Variants in EPHB6 observed in about 807,000 individuals in gnomAD.
The protein encoded by EPHB6 is ephrin type-B receptor 6.
Under a neutral mutation model 107.0 loss-of-function variants are expected in EPHB6, and 51 were observed. The observed-to-expected ratio is 0.48, with a 90% CI of 0.38 to 0.60. EPHB6 has a LOEUF of 0.60. EPHB6 is among the 20% of genes least tolerant of loss of function. The pLI is 0.00. For missense variants in EPHB6, 1,141 were observed against 1,355.5 expected (o/e 0.84, Z 2.48); for synonymous variants, 553 against 549.0 (o/e 1.01, Z -0.10).
At chr7:142,865,802 C>T (rs1319136970) in intron 8 of EPHB6, among the ~76,000 whole-genome samples, 158 bp from the exon 9 acceptor site, 1 of 148,854 alleles carries the variant, frequency 6.7e-6, no homozygotes, top group Non-Finnish European at 1.5e-5. Flanking sequence ...ACCCATCCTT[C>T]CCTGGGCCCA....
At chr7:142,859,640 A>G (rs965169884) in intron 1 of EPHB6, among the ~76,000 whole-genome samples, 4 of 152,116 alleles carry the variant, frequency 2.6e-5, no homozygotes, top group African/African-American at 4.8e-5. Flanking sequence ...TTTTTTCTGA[A>G]AAAATGTATT....
intron 7 of EPHB6, 82 bp downstream of exon 7, chr7:142,864,831 T>C: frequency 1.3e-6 from 2 of 1,536,262 alleles, no homozygotes; most frequent in Non-Finnish European, 1.8e-6. Context: ...CACCCCAAAA[T>C]TCATTTTATC....
At position 142,869,316 on chromosome 7, in the gene EPHB6, G is replaced by C. The variant is rs571392878; in HGVS notation, c.2460+169G>C. Reference sequence around the variant, plus strand: ...ATGGGGAGATGAAAGCCTAGGCGACGGGGTTTGAGGGATTTCAGGGACCGA... The same window carrying C: ...ATGGGGAGATGAAAGCCTAGGCGACCGGGTTTGAGGGATTTCAGGGACCGA... On this transcript the variant is annotated intron_variant, in intron 16 of 19. Coordinates refer to ENST00000652003, the MANE Select transcript of EPHB6 (RefSeq NM_004445.6). The surrounding 1 kb of genome is among the most constrained non-coding windows in gnomAD (Gnocchi z 4.5). Among the ~76,000 whole-genome samples, 4 of 152,148 alleles carry C rather than the reference G, an allele frequency of 2.6e-5. No homozygotes were observed. The East Asian group carries it at 7.7e-4, about 29-fold the overall frequency.
Position 142,856,859 on chromosome 7 carries a change from C to A in EPHB6, c.-432+1474C>A, listed in dbSNP as rs147582519. Among the ~76,000 whole-genome samples, 790 of 151,256 alleles carry A rather than the reference C, an allele frequency of 5.2e-3. 2 individuals are homozygous for A. Among genetic ancestry groups the A allele is most frequent in the Middle Eastern group, 0.021 (6 of 290 alleles). On this transcript the variant is annotated intron_variant, in intron 1 of 19. Transcript: ENST00000652003. ...TTCTGCCACAGGAAAGCAACAGCCC[C>A]CATCTACACAGACAGCATCTGCTCC...
At position 142,867,873 on chromosome 7, in the gene EPHB6, G is replaced by A; in HGVS notation, c.1866-124G>A. The A allele has an allele frequency of 6.8e-7, 1 of 1,473,942 alleles. No individual in the cohort carries two copies. Among genetic ancestry groups the A allele is most frequent in the Non-Finnish European group, 9.3e-7 (1 of 1,079,070 alleles). The allele number at this position is 1,473,942 out of a possible 1,614,324, so 91.3% of individuals were successfully genotyped here. On this transcript the variant is annotated intron_variant, in intron 12 of 19. Transcript: ENST00000652003. The surrounding 1 kb of genome is among the most constrained non-coding windows in gnomAD (Gnocchi z 5.3). ...TGCCCTGGGCCCCACGTGGAGATGGGCAGGAGGGCCAGGCTGTCGTCCCCC... is the reference window on the plus strand; with the variant it reads ...TGCCCTGGGCCCCACGTGGAGATGGACAGGAGGGCCAGGCTGTCGTCCCCC...
rs745916601 is a variant in EPHB6 at position 142,869,680 on chromosome 7, C to G, written c.2461-137C>G. 9.0e-6 allele frequency: 9 copies of G among 999,450 alleles called. No individual in the cohort carries two copies. Among genetic ancestry groups the G allele is most frequent in the Non-Finnish European group, 1.4e-5 (9 of 655,806 alleles). The allele number at this position is 999,450 out of a possible 1,614,324, so 61.9% of individuals were successfully genotyped here. A position where few individuals can be genotyped will look rare whatever the true frequency, so the allele number is the denominator to read the frequency against. On this transcript the variant is annotated intron_variant, in intron 16 of 19. Coordinates refer to ENST00000652003, the MANE Select transcript of EPHB6 (RefSeq NM_004445.6). This position sits in a 1 kb window ranked among gnomAD's most constrained non-coding sequence, Gnocchi z 4.5. ...TCTGTGAAATGGAGATGATATCATC[C>G]ACCTTAGAGGGTTGTTATGAGGATT...
rs935940426 is a variant in EPHB6, at chr7:142,863,190, G to A, written c.-38G>A. On this transcript the variant is annotated 5_prime_UTR_variant, in exon 5 of 20. Transcript: ENST00000652003. ...CTGCAGCCCCACCCAGGAGCAGGGT[G>A]GTGGCTGGGGCGATGGTGGACGCCC... 5 of 1,582,248 alleles carry A rather than the reference G, an allele frequency of 3.2e-6. No individual in the cohort carries two copies. Among genetic ancestry groups the A allele is most frequent in the Non-Finnish European group, 1.7e-6 (2 of 1,151,708 alleles).
At chr7:142,862,625 CT>C (rs1802894738) in intron 3 of EPHB6, 130 bp from the exon 4 acceptor site, 1 of 153,018 alleles carries the variant, frequency 6.5e-6, no homozygotes, top group African/African-American at 2.4e-5. Context: ...CACTGCCCCT[CT>C]GAAATTTCTA....
rs200674222 is a variant in EPHB6 at position 142,866,312 on chromosome 7, T to G, written c.1458T>G (p.His486Gln). Reference protein sequence around the residue: ...QAAAINVSTSHEVPSAVPVVH... With the variant: ...QAAAINVSTSQEVPSAVPVVH... ...CAGCCATCAATGTCAGCACCAGCCA[T>G]GAAGGTGAGCTCTTTTCCTTGGCCT... The change falls in exon 9 of 20, where the codon CAT becomes CAG. Residue 486 changes from histidine (H) to glutamine (Q), a missense_variant. His to Gln is a conservative substitution (Grantham distance 24). Coordinates refer to ENST00000652003, the MANE Select transcript of EPHB6 (RefSeq NM_004445.6). This position sits in a 1 kb window ranked among gnomAD's most constrained non-coding sequence, Gnocchi z 5.2. 55 of 1,613,886 alleles carry G rather than the reference T, an allele frequency of 3.4e-5. No individual in the cohort carries two copies. The South Asian group carries it at 5.4e-4, about 16-fold the overall frequency.
chr7:142,856,289 G>A (rs1430188754), intron 1 of EPHB6, among the ~76,000 whole-genome samples: 1 of 152,240 alleles, frequency 6.6e-6, no homozygotes, highest in East Asian at 1.9e-4. Context: ...GGGCATTGGA[G>A]CATTGAGGCT....
chr7:142,862,993 C>T (rs1802915829), intron 4 of EPHB6, 134 bp from the exon 5 acceptor site: 2 of 569,006 alleles, frequency 3.5e-6, no homozygotes, highest in Non-Finnish European at 3.1e-6. Context: ...GGCTTCTGTC[C>T]CATGGTGGGT....
intron 7 of EPHB6, among the ~76,000 whole-genome samples, chr7:142,865,127 C>T (rs1803081409): frequency 6.6e-6 from 1 of 152,192 alleles, no homozygotes; most frequent in African/African-American, 2.4e-5. Context: ...GACAGGGACG[C>T]AGGTAGAGGA....
chr7:142,871,026 C>G lies in EPHB6; in HGVS notation c.*122C>G. The G allele has an allele frequency of 1.2e-5, 11 of 907,144 alleles. No homozygotes were observed. The South Asian group carries it at 1.5e-4, about 13-fold the overall frequency. The allele number at this position is 907,144 out of a possible 1,614,324, so 56.2% of individuals were successfully genotyped here. A position where few individuals can be genotyped will look rare whatever the true frequency, so the allele number is the denominator to read the frequency against. ...ACACCAAACCCAACCCTCCCGATGG[C>G]TGCATTCCCTGGTCCTCCGCCTCTC... On this transcript the variant is annotated 3_prime_UTR_variant, in exon 20 of 20. Transcript: ENST00000652003.
At position 142,866,933 on chromosome 7, in the gene EPHB6, C is replaced by G. The variant is rs1171780277; in HGVS notation, c.1615C>G (p.Leu539Val). Residue 539 changes from leucine (L) to valine (V), a missense_variant, in exon 11 of 20, where the codon CTG becomes GTG. Leu to Val is a conservative substitution (Grantham distance 32). This residue lies in a region of EPHB6 where 616 missense variants were observed against 759.3 expected (regional missense o/e 0.81). Transcript: ENST00000652003. This position sits in a 1 kb window ranked among gnomAD's most constrained non-coding sequence, Gnocchi z 5.2. ...QAEDESHSFTLTSETNTATVT... is the reference protein window; with the variant it reads ...QAEDESHSFTVTSETNTATVT... Reference sequence around the variant, plus strand: ...AGAAGACGAATCCCACTCCTTCACCCTGACCAGCGAGACCAACACTGCCAC... The same window carrying G: ...AGAAGACGAATCCCACTCCTTCACCGTGACCAGCGAGACCAACACTGCCAC... The G allele has an allele frequency of 1.2e-5, 20 of 1,613,772 alleles. No homozygotes were observed. Among genetic ancestry groups the G allele is most frequent in the Non-Finnish European group, 1.7e-5 (20 of 1,179,968 alleles).
chr7:142,864,089 C>T lies in EPHB6; in HGVS notation c.289C>T (p.Arg97Trp), dbSNP rs769535474. Residue 97 changes from arginine (R) to tryptophan (W), a missense_variant, in exon 7 of 20, where the codon CGG becomes TGG. Around this residue, in one of 3 missense-constraint regions of EPHB6, gnomAD observed 221 missense variants for 300.5 expected, o/e 0.74. Transcript: ENST00000652003. ...TTGGTTGCAGACACACTTTGTGGAGCGGCGCGGGGCCCAGAGGGCGCACAT... is the reference window on the plus strand; with the variant it reads ...TTGGTTGCAGACACACTTTGTGGAGTGGCGCGGGGCCCAGAGGGCGCACAT... ...DNWLQTHFVE[R>W]RGAQRAHIRL... 1.2e-6 allele frequency: 2 copies of T among 1,614,036 alleles called. No homozygotes were observed. Among genetic ancestry groups the T allele is most frequent in the South Asian group, 1.1e-5 (1 of 91,086 alleles).
intron 1 of EPHB6, among the ~76,000 whole-genome samples, chr7:142,857,577 C>T (rs958823791): frequency 6.6e-6 from 1 of 152,208 alleles, no homozygotes; most frequent in African/African-American, 2.4e-5. Flanking sequence ...GTGTAAGGAC[C>T]AGCCCAGCAA....
rs1037651782 is a variant in EPHB6 at position 142,863,796 on chromosome 7, G to A, written c.165+101G>A. The A allele has an allele frequency of 4.0e-6, 6 of 1,503,396 alleles. No homozygotes were observed. In the African/African-American group the frequency reaches 6.9e-5, roughly 17 times the overall value. The allele number at this position is 1,503,396 out of a possible 1,614,324, so 93.1% of individuals were successfully genotyped here. ...AAGGAAACCCTGGGTGAGGATTATG[G>A]GAAAAGGATCCCTCCCTCTAGAGCA... On this transcript the variant is annotated intron_variant, in intron 6 of 19. Transcript: ENST00000652003.
intron 1 of EPHB6, among the ~76,000 whole-genome samples, chr7:142,860,116 C>T (rs1586150358): frequency 6.6e-6 from 1 of 152,162 alleles, no homozygotes; most frequent in East Asian, 1.9e-4. Flanking sequence ...GGCTGTCTTT[C>T]AAAATAATTC....
Position 142,864,559 on chromosome 7 carries a change from G to C in EPHB6, c.759G>C (p.Gly253=), listed in dbSNP as rs1326901930. 1.9e-6 allele frequency: 3 copies of C among 1,613,086 alleles called. No homozygotes were observed. The highest frequency in any genetic ancestry group is 2.5e-6 in the Non-Finnish European group (3 of 1,179,918). The change falls in exon 7 of 20, where the codon GGG becomes GGC. Residue 253 remains glycine, a synonymous_variant. Coordinates refer to ENST00000652003, the MANE Select transcript of EPHB6 (RefSeq NM_004445.6). The part of the protein sequence containing the change: ...FPETQASGAG[G]ASLVAAVGTC... ...AGACGCAGGCCAGTGGGGCTGGGGG[G>C]GCCTCCCTGGTGGCAGCTGTGGGCA... is the stretch of plus-strand genomic sequence containing the variant.
Sources: allele counts gnomAD v4.1 joint callset (sites outside exome capture counted in the v4.1 genomes callset), GRCh38; gene constraint gnomAD v4.1.1; regional missense constraint gnomAD v4.1.1; non-coding constraint Gnocchi (gnomAD v3.1); transcripts MANE v1.5; gene names NCBI Gene and HGNC (gene_info 2026-07-23, HGNC 2026-07-21).